TIAM1: variants seen among roughly 807,000 people sequenced by gnomAD.
TIAM1 encodes the protein rho guanine nucleotide exchange factor TIAM1.
A neutral mutation model predicts 163.5 loss-of-function variants in TIAM1; 65 were observed. That is an observed-to-expected ratio of 0.40 (90% CI 0.33 to 0.49). The LOEUF is 0.49. Ranked by LOEUF, TIAM1 falls within the 20% of genes least tolerant of loss-of-function variation. The pLI is 0.77. For synonymous variants in TIAM1, 833 were observed against 810.1 expected, an observed-to-expected ratio of 1.03 and a Z score of -0.48; for missense variants, 1,789 against 2,044.7, an observed-to-expected ratio of 0.87 and a Z score of 2.41.
At chr21:31,537,473 C>T (rs1417127364) in intron 1 of TIAM1, among the ~76,000 whole-genome samples, 1 of 150,874 alleles carries the variant, frequency 6.6e-6, no homozygotes, top group Non-Finnish European at 1.5e-5. Flanking sequence ...TTAATAGGGC[C>T]GAGAGCAGTG....
At chr21:31,377,033 CTTTTTTT>C (rs35487868) in intron 2 of TIAM1, among the ~76,000 whole-genome samples, 3 of 80,920 alleles carry the variant, frequency 3.7e-5, no homozygotes, top group African/African-American at 4.9e-5. Flanking sequence ...TCATTTTTGT[CTTTTTTT>C]TTTTTTTTTT....
At chr21:31,487,383 T>C (rs1363332466) in intron 1 of TIAM1, among the ~76,000 whole-genome samples, 1 of 152,142 alleles carries the variant, frequency 6.6e-6, no homozygotes, top group African/African-American at 2.4e-5. Flanking sequence ...TCTTTTTTCT[T>C]TTTTTGAGAA....
intron 10 of TIAM1, among the ~76,000 whole-genome samples, chr21:31,210,748 G>GAGAGAGAAAGAA (rs1555891278): frequency 1.7e-5 from 1 of 59,770 alleles, no homozygotes; most frequent in Non-Finnish European, 2.8e-5. Flanking sequence ...GGAAGGAAGG[G>GAGAGAGAAAGAA]AGAAAGAAAG....
intron 3 of TIAM1, among the ~76,000 whole-genome samples, chr21:31,269,680 T>G (rs1218472361): frequency 6.6e-6 from 1 of 150,590 alleles, no homozygotes; most frequent in African/African-American, 2.4e-5. Context: ...TGTTTTTTTT[T>G]TTTTTTTTTG....
Position 31,181,756 on chromosome 21 carries a change from CTTTTTTTTTTTTTTTTTT to C in TIAM1, c.2887+647_2887+664del, listed in dbSNP as rs781153297. 1.7e-3 allele frequency among the ~76,000 whole-genome samples: 71 copies of C among 41,336 alleles called. 5 individuals are homozygous for C. The highest frequency in any genetic ancestry group is 3.7e-3 in the African/African-American group (47 of 12,688). 27.1% of individuals were successfully genotyped at this position (41,336 alleles called of 152,430 possible). A position where few individuals can be genotyped will look rare whatever the true frequency, so the allele number is the denominator to read the frequency against. ...CCCAGCACTTCTTCTTCTTCTTCTT[CTTTTTTTTTTTTTTTTTT>C]TTTTTTTTTTTTTTTTTTTTTTTTT... On this transcript the variant is annotated intron_variant, in intron 15 of 27. Coordinates refer to ENST00000541036, the MANE Select transcript of TIAM1 (RefSeq NM_001353694.2).
intron 2 of TIAM1, among the ~76,000 whole-genome samples, chr21:31,311,283 A>G (rs1182725649): frequency 6.6e-6 from 1 of 152,076 alleles, no homozygotes; most frequent in African/African-American, 2.4e-5. Context: ...CCAGTTTCCT[A>G]AAAAGGGGAT....
intron 2 of TIAM1, among the ~76,000 whole-genome samples, chr21:31,309,214 T>C (rs913409713): frequency 1.3e-5 from 2 of 152,170 alleles, no homozygotes; most frequent in African/African-American, 4.8e-5. Flanking sequence ...TCCCAGCACT[T>C]TGGGAGGCTG....
intron 1 of TIAM1, among the ~76,000 whole-genome samples, chr21:31,516,622 C>T (rs2047390928): frequency 1.3e-5 from 2 of 151,038 alleles, no homozygotes; most frequent in South Asian, 4.2e-4. Context: ...CAAGCTTCCA[C>T]CCTGCAAAAC....
At chr21:31,317,996 T>C (rs2075185985) in intron 2 of TIAM1, among the ~76,000 whole-genome samples, 1 of 152,214 alleles carries the variant, frequency 6.6e-6, no homozygotes, top group Non-Finnish European at 1.5e-5. Context: ...AATGAAGATA[T>C]TTTTCTTTAG....
At chr21:31,222,707 ATTTTTTTTTTT>A (rs527864043) in intron 8 of TIAM1, among the ~76,000 whole-genome samples, 10 of 32,882 alleles carry the variant, frequency 3.0e-4, no homozygotes, top group African/African-American at 1.4e-3. Flanking sequence ...ATATATATAT[ATTTTTTTTTTT>A]TTTTTTTTTT....
chr21:31,234,827 C>A (rs1347002257), intron 6 of TIAM1, among the ~76,000 whole-genome samples: 19 of 151,032 alleles, frequency 1.3e-4, no homozygotes, highest in African/African-American at 4.6e-4. Flanking sequence ...AGCATATATA[C>A]TAAAAAAGGA....
At chr21:31,286,044 T>C (rs1028800315) in intron 2 of TIAM1, among the ~76,000 whole-genome samples, 1 of 152,086 alleles carries the variant, frequency 6.6e-6, no homozygotes, top group Non-Finnish European at 1.5e-5. Flanking sequence ...AACTAAAAGG[T>C]ATTGGGCAAG....
At chr21:31,142,621 A>C (rs1428037559) in intron 20 of TIAM1, among the ~76,000 whole-genome samples, 2 of 131,178 alleles carry the variant, frequency 1.5e-5, no homozygotes, top group Non-Finnish European at 3.2e-5. Flanking sequence ...ACAGAGGGAG[A>C]CTCCGTCTCA....
At chr21:31,506,608 A>G (rs941673686) in intron 1 of TIAM1, among the ~76,000 whole-genome samples, 2 of 152,204 alleles carry the variant, frequency 1.3e-5, no homozygotes, top group Non-Finnish European at 2.9e-5. Context: ...TCCATGTTGT[A>G]GCATGTGTCA....
At chr21:31,432,271 T>C (rs765751519) in intron 2 of TIAM1, among the ~76,000 whole-genome samples, 9 of 152,042 alleles carry the variant, frequency 5.9e-5, no homozygotes, top group Admixed American at 1.3e-4. Flanking sequence ...CAGCTAATTT[T>C]TGTATTTTTA....
At chr21:31,389,412 T>C in intron 2 of TIAM1, among the ~76,000 whole-genome samples, 1 of 152,174 alleles carries the variant, frequency 6.6e-6, no homozygotes, top group East Asian at 1.9e-4. Context: ...TTTCGCCATG[T>C]TGGCCAGGCT....
intron 6 of TIAM1, 67 bp downstream of exon 6, chr21:31,245,421 T>C: frequency 1.2e-6 from 1 of 850,046 alleles, no homozygotes; most frequent in Non-Finnish European, 1.6e-6. Context: ...ACTGGGTGCC[T>C]AGGCAAGAAA....
chr21:31,202,911 C>T lies in TIAM1; in HGVS notation c.2490G>A (p.Glu830=). The change falls in exon 12 of 28, where the codon GAG becomes GAA. Residue 830 remains glutamate, a synonymous_variant. Coordinates refer to ENST00000541036, the MANE Select transcript of TIAM1 (RefSeq NM_001353694.2). ...TGGACAACAGTCATAACATTACCAG[C>T]TCATAGATGTCTTCCTCGGGCTGTG... ...YVPQPEEDIY[E]LLYKEIEICP... 1 of 1,613,544 alleles carries T rather than the reference C, an allele frequency of 6.2e-7. No homozygotes were observed. The highest frequency in any genetic ancestry group is 1.3e-5 in the African/African-American group (1 of 75,030).
intron 1 of TIAM1, among the ~76,000 whole-genome samples, chr21:31,481,189 T>C (rs2046098784): frequency 2.0e-5 from 3 of 152,200 alleles, no homozygotes; most frequent in African/African-American, 7.2e-5. Flanking sequence ...ACATGGCCTT[T>C]CCTCTGTACA....
Sources: gnomAD v4.1 joint callset for allele counts (sites outside exome capture counted in the v4.1 genomes callset) on GRCh38, gnomAD v4.1.1 for gene constraint, MANE v1.5 for transcripts, NCBI Gene and HGNC (gene_info 2026-07-23, HGNC 2026-07-21) for gene names.